GOLIM4: variants seen among roughly 807,000 people sequenced by gnomAD.
GOLIM4 encodes the protein golgi integral membrane protein 4, also known as 130 kDa golgi-localized phosphoprotein.
Under a neutral mutation model 107.4 loss-of-function variants are expected in GOLIM4, and 71 were observed. The ratio of observed to expected loss-of-function variants is 0.66; its 90% confidence interval spans 0.55 to 0.81. The LOEUF (loss-of-function observed/expected upper bound fraction) is 0.81, where lower values mean the gene tolerates loss of function less well. GOLIM4 is among the 30% of genes least tolerant of loss of function. The probability of loss-of-function intolerance (pLI) is 0.00; values close to 1 mark genes in which losing one functional copy is unlikely to be tolerated. For missense variants in GOLIM4, 830 were observed against 826.1 expected, an observed-to-expected ratio of 1.00 and a Z score of -0.06; for synonymous variants, 327 against 294.8, an observed-to-expected ratio of 1.11 and a Z score of -1.12.
chr3:168,032,386 A>C, intron 9 of GOLIM4, 134 bp downstream of exon 9: 1 of 724,122 alleles, frequency 1.4e-6, no homozygotes, highest in Non-Finnish European at 2.4e-6. Context: ...AGAAAACTTA[A>C]ATATGAGCAT....
At chr3:168,028,046 A>C (rs964549584) in intron 11 of GOLIM4, among the ~76,000 whole-genome samples, 1 of 152,208 alleles carries the variant, frequency 6.6e-6, no homozygotes, top group Non-Finnish European at 1.5e-5. Flanking sequence ...TGGGTCAGAC[A>C]CTTTTCTTCT....
intron 14 of GOLIM4, among the ~76,000 whole-genome samples, chr3:168,017,160 A>G (rs966127653): frequency 1.3e-5 from 2 of 152,156 alleles, no homozygotes; most frequent in African/African-American, 4.8e-5. Flanking sequence ...TAAAATTCCA[A>G]ATATAAAACA....
intron 1 of GOLIM4, among the ~76,000 whole-genome samples, chr3:168,082,845 TCAA>T (rs763800985): frequency 2.0e-5 from 3 of 151,944 alleles, no homozygotes; most frequent in African/African-American, 4.8e-5. Flanking sequence ...CTACAGAAAT[TCAA>T]CAACAACTTC....
Position 168,027,723 on chromosome 3 carries a change from C to T in GOLIM4, c.1623+5G>A. 1 of 1,560,124 alleles carries T rather than the reference C, an allele frequency of 6.4e-7. No homozygotes were observed. The highest frequency in any genetic ancestry group is 8.8e-7 in the Non-Finnish European group (1 of 1,130,718). On this transcript the variant is annotated splice_donor_5th_base_variant and intron_variant, in intron 12 of 15. Coordinates refer to ENST00000470487, the MANE Select transcript of GOLIM4 (RefSeq NM_014498.5). ...TGTGTCAGGGGCAGAAGAGAGGATACTTACATCTGCCTCAGATTCTGGGTC... is the reference window on the plus strand; with the variant it reads ...TGTGTCAGGGGCAGAAGAGAGGATATTTACATCTGCCTCAGATTCTGGGTC...
At chr3:168,093,144 A>G in intron 1 of GOLIM4, among the ~76,000 whole-genome samples, 1 of 152,240 alleles carries the variant, frequency 6.6e-6, no homozygotes, top group Non-Finnish European at 1.5e-5. Flanking sequence ...TTCAAAATGA[A>G]ATACTGCAAA....
chr3:168,013,674 A>C (rs1426760133), intron 14 of GOLIM4, among the ~76,000 whole-genome samples: 1 of 151,792 alleles, frequency 6.6e-6, no homozygotes, highest in Non-Finnish European at 1.5e-5. Context: ...AAAGAACAGA[A>C]ATTATAACAA....
At position 168,033,606 on chromosome 3, in the gene GOLIM4, CAAAAAAAAAAAAAAA is replaced by C. The variant is rs61728774; in HGVS notation, c.844-769_844-755del. ...TGGGCGACAGAGCAAGACTCCGTCT[CAAAAAAAAAAAAAAA>C]AAAAAAAAAAAAAAAAAAAAGAATG... On this transcript the variant is annotated intron_variant, in intron 8 of 15. Coordinates refer to ENST00000470487, the MANE Select transcript of GOLIM4 (RefSeq NM_014498.5). Among the ~76,000 whole-genome samples the C allele has an allele frequency of 8.9e-4, 28 of 31,314 alleles. No homozygotes were observed. In the South Asian group the frequency reaches 0.013, roughly 15 times the overall value. The allele number at this position is 31,314 out of a possible 152,430, so 20.5% of individuals were successfully genotyped here.
chr3:168,072,452 A>G (rs1479907610), intron 1 of GOLIM4, among the ~76,000 whole-genome samples: 1 of 152,146 alleles, frequency 6.6e-6, no homozygotes, highest in Non-Finnish European at 1.5e-5. Flanking sequence ...TGGCAGAGCT[A>G]TGAGGCATTC....
At chr3:168,013,226 C>A (rs974094017) in intron 14 of GOLIM4, among the ~76,000 whole-genome samples, 7 of 151,254 alleles carry the variant, frequency 4.6e-5, no homozygotes, top group African/African-American at 1.7e-4. Context: ...CAAAAAAAGG[C>A]AGGGGTTGCA....
intron 1 of GOLIM4, among the ~76,000 whole-genome samples, chr3:168,067,605 T>G (rs556850937): frequency 1.3e-5 from 2 of 148,720 alleles, no homozygotes; most frequent in Non-Finnish European, 2.9e-5. Flanking sequence ...GTGTATTTTG[T>G]TTTTCATTGT....
chr3:168,058,286 T>C (rs1484975484), intron 1 of GOLIM4, among the ~76,000 whole-genome samples: 2 of 152,344 alleles, frequency 1.3e-5, no homozygotes, highest in South Asian at 4.1e-4. Flanking sequence ...GCCTTTTCTT[T>C]TGTGGATAAA....
intron 14 of GOLIM4, 65 bp downstream of exon 14, chr3:168,024,461 T>C: frequency 9.0e-7 from 1 of 1,112,916 alleles, no homozygotes; most frequent in East Asian, 2.3e-5. Flanking sequence ...ACTGCTGAGG[T>C]TTGTTTAAGG....
At chr3:168,081,148 T>C (rs1389333648) in intron 1 of GOLIM4, among the ~76,000 whole-genome samples, 2 of 152,168 alleles carry the variant, frequency 1.3e-5, no homozygotes, top group South Asian at 2.1e-4. Flanking sequence ...AAAGAAATCA[T>C]ACTAAGGGAA....
chr3:168,080,815 C>T (rs1169028763), intron 1 of GOLIM4, among the ~76,000 whole-genome samples: 1 of 140,346 alleles, frequency 7.1e-6, no homozygotes, highest in Non-Finnish European at 1.5e-5. Context: ...TTTTTCCATA[C>T]ATAAACTACT....
intron 14 of GOLIM4, among the ~76,000 whole-genome samples, 178 bp downstream of exon 14, chr3:168,024,348 C>A (rs1048920557): frequency 3.3e-5 from 5 of 152,222 alleles, no homozygotes; most frequent in Admixed American, 3.3e-4. Flanking sequence ...TATCTTCTAA[C>A]CAAATGTCTC....
intron 1 of GOLIM4, among the ~76,000 whole-genome samples, chr3:168,076,465 G>A (rs1048215582): frequency 3.9e-5 from 6 of 152,142 alleles, no homozygotes; most frequent in South Asian, 2.1e-4. Flanking sequence ...AGGCCAAGGC[G>A]GGAGGATCAC....
intron 12 of GOLIM4, 29 bp downstream of exon 12, chr3:168,027,698 TG>T: frequency 1.6e-6 from 2 of 1,262,318 alleles, no homozygotes; most frequent in African/African-American, 2.9e-5. Flanking sequence ...TGAGTTTACA[TG>T]TGTCAGGGGC....
At chr3:168,017,556 A>G (rs1717440800) in intron 14 of GOLIM4, among the ~76,000 whole-genome samples, 1 of 152,220 alleles carries the variant, frequency 6.6e-6, no homozygotes, top group Non-Finnish European at 1.5e-5. Flanking sequence ...GAAATTTGAG[A>G]GCTGTGACAC....
intron 1 of GOLIM4, among the ~76,000 whole-genome samples, chr3:168,086,865 C>A (rs756392387): frequency 3.4e-4 from 51 of 152,194 alleles, no homozygotes; most frequent in Non-Finnish European, 6.3e-4. Flanking sequence ...ATGCCCATTT[C>A]TTCTCACAGA....
Sources: gnomAD v4.1 joint callset for allele counts (sites outside exome capture counted in the v4.1 genomes callset) on GRCh38, gnomAD v4.1.1 for gene constraint, MANE v1.5 for transcripts, NCBI Gene and HGNC (gene_info 2026-07-23, HGNC 2026-07-21) for gene names.